The following IGLL5 variants were observed in gnomAD, a reference collection of about 807,000 sequenced individuals.
IGLL5 encodes the protein immunoglobulin lambda like polypeptide 5.
A neutral mutation model predicts 20.9 loss-of-function variants in IGLL5; 30 were observed. The ratio of observed to expected loss-of-function variants is 1.44; its 90% confidence interval spans 1.07 to 1.95. The LOEUF (loss-of-function observed/expected upper bound fraction) is 1.95. Ranked by LOEUF, IGLL5 falls within the 30% of genes most tolerant of loss-of-function variation. The probability of loss-of-function intolerance (pLI) is 0.00; values close to 1 mark genes in which losing one functional copy is unlikely to be tolerated. For missense variants in IGLL5, 475 were observed against 270.7 expected, an observed-to-expected ratio of 1.75 and a Z score of -5.30; for synonymous variants, 203 against 117.3, an observed-to-expected ratio of 1.73 and a Z score of -4.72.
chr22:22,894,650 T>A lies in IGLL5; in HGVS notation c.326-725T>A, dbSNP rs186223965. Among the ~76,000 whole-genome samples the A allele has an allele frequency of 1.3e-5, 2 of 148,552 alleles. 1 individual carries two copies. The highest frequency in any genetic ancestry group is 4.9e-5 in the African/African-American group (2 of 40,468). ...GAACTCCATGGCTACCAGGTGAAGT[T>A]TGGGGTCATCACAGGCTGCTGGGGT... On this transcript the variant is annotated intron_variant, in intron 2 of 2. Transcript: ENST00000526893.
intron 1 of IGLL5, among the ~76,000 whole-genome samples, chr22:22,890,101 ACT>A (rs2067775572): frequency 1.3e-5 from 2 of 149,374 alleles, no homozygotes; most frequent in Admixed American, 6.8e-5. Flanking sequence ...CATGTGCATT[ACT>A]CTTTTTGTAA....
chr22:22,889,024 T>C lies in IGLL5; in HGVS notation c.206+765T>C, dbSNP rs73164949. 3.5e-3 allele frequency among the ~76,000 whole-genome samples: 527 copies of C among 151,134 alleles called. 5 individuals carry two copies. Among genetic ancestry groups the C allele is most frequent in the African/African-American group, 0.012 (499 of 41,242 alleles). ...CTGGGAAGGGGAGGCAAGAAGACCA[T>C]AGGGTCCGTGCACCATTCCCAGTCC... On this transcript the variant is annotated intron_variant, in intron 1 of 2. Transcript: ENST00000526893.
At chr22:22,891,014 T>C (rs2067829370) in intron 1 of IGLL5, among the ~76,000 whole-genome samples, 1 of 151,168 alleles carries the variant, frequency 6.6e-6, no homozygotes, top group Admixed American at 6.6e-5. Flanking sequence ...GTTTAGTGTA[T>C]GTATTGTAAA....
At chr22:22,893,851 C>G (rs766301467) in intron 2 of IGLL5, 33 bp downstream of exon 2, 2 of 1,388,450 alleles carry the variant, frequency 1.4e-6, no homozygotes, top group Admixed American at 1.7e-5. Context: ...CAGCCTGTCT[C>G]ACCCTCTGCT....
At chr22:22,890,372 A>G (rs2067794579) in intron 1 of IGLL5, among the ~76,000 whole-genome samples, 1 of 147,624 alleles carries the variant, frequency 6.8e-6, no homozygotes, top group African/African-American at 2.5e-5. Context: ...TATTTTGCAA[A>G]AGTAAGAGCC....
intron 2 of IGLL5, among the ~76,000 whole-genome samples, chr22:22,894,469 A>C (rs1601626713): frequency 6.6e-6 from 1 of 151,416 alleles, no homozygotes; most frequent in African/African-American, 2.4e-5. Context: ...GTCACCAGAA[A>C]GGAGACAGTC....
At chr22:22,889,819 A>T (rs2067755761) in intron 1 of IGLL5, among the ~76,000 whole-genome samples, 1 of 151,392 alleles carries the variant, frequency 6.6e-6, no homozygotes, top group East Asian at 2.0e-4. Context: ...CCTGTCTCAA[A>T]TTCCTAAGCT....
intron 2 of IGLL5, among the ~76,000 whole-genome samples, chr22:22,894,939 T>C (rs2066709631): frequency 6.6e-6 from 1 of 151,354 alleles, no homozygotes; most frequent in East Asian, 2.0e-4. Context: ...AGGACAGTCC[T>C]ACAGGATGAG....
intron 2 of IGLL5, among the ~76,000 whole-genome samples, chr22:22,894,196 GGAGCTGC>G: frequency 6.6e-6 from 1 of 151,462 alleles, no homozygotes; most frequent in Admixed American, 6.6e-5. Context: ...GGTGGGCCTG[GGAGCTGC>G]TGAGTCTCAT....
chr22:22,894,238 C>CAGCTGAGGGTCT (rs2068004281), intron 2 of IGLL5, among the ~76,000 whole-genome samples: 1 of 150,946 alleles, frequency 6.6e-6, no homozygotes, highest in African/African-American at 2.4e-5. Flanking sequence ...GCCCCAAGAA[C>CAGCTGAGGGTCT]AGCTGAGGGT....
rs2067553074 is a variant in IGLL5, at chr22:22,887,907, A to C, written c.-147A>C. On this transcript the variant is annotated 5_prime_UTR_variant, in exon 1 of 3. Coordinates refer to ENST00000526893, the MANE Select transcript of IGLL5 (RefSeq NM_001178126.2). ...CCCTGGAAGGGCCTGGGCTAGGGAC[A>C]GGGACCAGAGCCAGTCCAGGGAGAG... 1 of 719,690 alleles carries C rather than the reference A, an allele frequency of 1.4e-6. No individual in the cohort carries two copies. Among genetic ancestry groups the C allele is most frequent in the East Asian group, 2.7e-5 (1 of 36,924 alleles). The allele number at this position is 719,690 out of a possible 1,614,324, so 44.6% of individuals were successfully genotyped here. A position where few individuals can be genotyped will look rare whatever the true frequency, so the allele number is the denominator to read the frequency against.
rs576051913 is a variant in IGLL5, at chr22:22,888,254, G to A, written c.201G>A (p.Trp67Ter). 11 of 1,547,552 alleles carry A rather than the reference G, an allele frequency of 7.1e-6. No homozygotes were observed. The highest frequency in any genetic ancestry group is 4.1e-5 in the African/African-American group (3 of 72,836). The change falls in exon 1 of 3, where the codon TGG becomes TGA. Residue 67 changes from tryptophan (W) to a stop codon, truncating the protein, a stop_gained. Transcript: ENST00000526893. LOFTEE classifies it high-confidence loss of function. ...GSSRSSLRSL[W>*]GRLLLQPSPQ... ...GCCGATCCAGCCTGCGGAGCCTGTG[G>A]GGCAGGTAAGGGGCAAGAGATTCCA...
chr22:22,888,614 G>C (rs544368915), intron 1 of IGLL5, among the ~76,000 whole-genome samples: 3 of 151,342 alleles, frequency 2.0e-5, no homozygotes, highest in East Asian at 2.0e-4. Flanking sequence ...CCCACAGGGT[G>C]CCCAGGCCTG....
intron 2 of IGLL5, among the ~76,000 whole-genome samples, chr22:22,894,139 A>T (rs890284192): frequency 2.0e-5 from 3 of 151,440 alleles, no homozygotes; most frequent in Admixed American, 1.3e-4. Flanking sequence ...CAGTGTCCTT[A>T]GGGACATTGC....
intron 1 of IGLL5, among the ~76,000 whole-genome samples, chr22:22,888,766 C>G: frequency 6.6e-6 from 1 of 151,386 alleles, no homozygotes; most frequent in African/African-American, 2.4e-5. Flanking sequence ...CTTACTGGGG[C>G]CAGGCTCAAG....
chr22:22,894,865 T>C (rs768228864), intron 2 of IGLL5, among the ~76,000 whole-genome samples: 1 of 151,276 alleles, frequency 6.6e-6, no homozygotes, highest in South Asian at 2.1e-4. Flanking sequence ...CAGAGCCCGG[T>C]GCCTGTGAGG....
intron 1 of IGLL5, among the ~76,000 whole-genome samples, chr22:22,889,058 T>A (rs191888762): frequency 1.3e-5 from 2 of 151,098 alleles, no homozygotes; most frequent in African/African-American, 2.4e-5. Context: ...CCAGGACGAG[T>A]CCTTGGATGG....
intron 1 of IGLL5, among the ~76,000 whole-genome samples, chr22:22,891,511 T>C (rs753946793): frequency 6.6e-6 from 1 of 151,240 alleles, no homozygotes; most frequent in African/African-American, 2.4e-5. Context: ...GTCATGTCTA[T>C]TATCTGTCAT....
chr22:22,893,950 G>C (rs149038814), intron 2 of IGLL5, 132 bp downstream of exon 2: 4 of 724,974 alleles, frequency 5.5e-6, no homozygotes, highest in African/African-American at 1.7e-5. Flanking sequence ...TCTCCATGGG[G>C]CCTGGAGGAG....
Sources: gnomAD v4.1 joint callset for allele counts (sites outside exome capture counted in the v4.1 genomes callset) on GRCh38, gnomAD v4.1.1 for gene constraint, MANE v1.5 for transcripts, NCBI Gene and HGNC (gene_info 2026-07-23, HGNC 2026-07-21) for gene names.